The following SLC36A1 variants were observed in gnomAD, a reference collection of about 807,000 sequenced individuals.
SLC36A1 encodes solute carrier family 36 member 1, also known as proton-coupled amino acid transporter 1.
In SLC36A1, 30 loss-of-function variants were observed where a neutral mutation model predicts 47.5. The ratio of observed to expected loss-of-function variants is 0.63; its 90% CI spans 0.47 to 0.86. The LOEUF (loss-of-function observed/expected upper bound fraction) is 0.86. Ranked by LOEUF, SLC36A1 falls within the 40% of genes least tolerant of loss-of-function variation. The pLI is 0.00. For synonymous variants in SLC36A1, 255 were observed against 249.7 expected (o/e 1.02, Z -0.20); for missense variants, 517 against 606.0 (o/e 0.85, Z 1.54).
At chr5:151,390,809 G>A in the SLC36A1 span, among the ~76,000 whole-genome samples, 10 of 152,144 alleles carry the variant, frequency 6.6e-5, no homozygotes, top group African/African-American at 2.2e-4. Context: ...GGTTACTGTA[G>A]CCTTGTAATA....
intron 10 of SLC36A1, among the ~76,000 whole-genome samples, chr5:151,487,426 G>A (rs1056302479): frequency 3.9e-5 from 6 of 152,046 alleles, no homozygotes; most frequent in African/African-American, 9.7e-5. Flanking sequence ...GTGGGGCTTC[G>A]CCAGGGGTCA....
At chr5:151,493,737 T>G (rs1760261808), downstream of SLC36A1, among the ~76,000 whole-genome samples, 1 of 152,226 alleles carries the variant, frequency 6.6e-6, no homozygotes, top group Non-Finnish European at 1.5e-5. Context: ...CACACAAGTC[T>G]TCTGGTTCCA....
chr5:151,522,365 C>G, the SLC36A1 span, among the ~76,000 whole-genome samples: 3,485 of 152,318 alleles, frequency 0.023, 135 homozygotes, highest in African/African-American at 0.079. Flanking sequence ...CTCTCTGAGC[C>G]TCTTCCTAAA....
downstream of SLC36A1, among the ~76,000 whole-genome samples, chr5:151,494,294 A>T (rs1001532160): frequency 2.6e-5 from 4 of 152,054 alleles, no homozygotes; most frequent in South Asian, 2.1e-4. Context: ...CTCCTTTTTT[A>T]AAAAAAATGG....
the SLC36A1 span, chr5:151,554,458 G>C: frequency 1.9e-6 from 3 of 1,614,054 alleles, no homozygotes; most frequent in Non-Finnish European, 1.7e-6. Context: ...CGCTGTCCTC[G>C]ATACTGTAGG....
intron 1 of SLC36A1, among the ~76,000 whole-genome samples, chr5:151,455,510 C>T (rs1025013572): frequency 2.0e-5 from 3 of 152,058 alleles, no homozygotes; most frequent in Non-Finnish European, 4.4e-5. Flanking sequence ...AAAGAAGTCT[C>T]TCTGCAGTGT....
chr5:151,443,499 C>G (rs1752746947), upstream of SLC36A1, among the ~76,000 whole-genome samples: 1 of 151,966 alleles, frequency 6.6e-6, no homozygotes, highest in Non-Finnish European at 1.5e-5. Context: ...GGTCCTTTGC[C>G]CATTTTTAAA....
chr5:151,399,895 A>C, the SLC36A1 span, among the ~76,000 whole-genome samples: 66 of 152,328 alleles, frequency 4.3e-4, no homozygotes, highest in Non-Finnish European at 8.5e-4. Flanking sequence ...GCAATGTGCT[A>C]ATCATTTTGC....
the SLC36A1 span, chr5:151,505,557 A>G: frequency 6.2e-7 from 1 of 1,613,944 alleles, no homozygotes; most frequent in South Asian, 1.1e-5. Context: ...TGCTCTGGGA[A>G]TGGGAAGCTA....
At chr5:151,421,890 G>C in the SLC36A1 span, among the ~76,000 whole-genome samples, 9 of 152,258 alleles carry the variant, frequency 5.9e-5, no homozygotes, top group African/African-American at 2.2e-4. Flanking sequence ...GCGCCCGGCT[G>C]TCTTGTAGAG....
chr5:151,433,269 T>A (rs1397540345), upstream of SLC36A1, among the ~76,000 whole-genome samples: 7 of 22,446 alleles, frequency 3.1e-4, no homozygotes, highest in African/African-American at 1.2e-3. Context: ...TATATATATT[T>A]TTTTTTTTTT....
intron 1 of SLC36A1, among the ~76,000 whole-genome samples, chr5:151,441,260 A>C (rs548867947): frequency 3.9e-5 from 6 of 152,200 alleles, no homozygotes; most frequent in Non-Finnish European, 8.8e-5. Flanking sequence ...TGATCACTCC[A>C]ATATGGGCAA....
the SLC36A1 span, among the ~76,000 whole-genome samples, chr5:151,514,644 C>G: frequency 6.6e-6 from 1 of 152,240 alleles, no homozygotes; most frequent in Non-Finnish European, 1.5e-5. Context: ...TCCGTTCTTC[C>G]AGATGACTGT....
At chr5:151,512,591 G>C in the SLC36A1 span, 1 of 1,608,084 alleles carries the variant, frequency 6.2e-7, no homozygotes, top group African/African-American at 1.3e-5. The surrounding 1 kb of genome is among the most constrained non-coding windows in gnomAD (Gnocchi z 4.1). Context: ...TCCAGCTGGG[G>C]CACTCCACTG....
chr5:151,399,810 A>G, the SLC36A1 span, among the ~76,000 whole-genome samples: 1 of 152,238 alleles, frequency 6.6e-6, no homozygotes, highest in Non-Finnish European at 1.5e-5. Context: ...TCTCTAGCAC[A>G]TTAGCATATT....
At chr5:151,424,677 AT>A in the SLC36A1 span, among the ~76,000 whole-genome samples, 1 of 151,672 alleles carries the variant, frequency 6.6e-6, no homozygotes, top group African/African-American at 2.4e-5. Context: ...GATGAGAATA[AT>A]CATTAATAAA....
At chr5:151,433,254 ATATATATATATATTTT>A (rs1561705018), upstream of SLC36A1, among the ~76,000 whole-genome samples, 174 of 16,500 alleles carry the variant, frequency 0.011, 5 homozygotes, top group African/African-American at 0.036. Context: ...ATATATATAT[ATATATATATATATTTT>A]TTTTTTTTTT....
the SLC36A1 span, among the ~76,000 whole-genome samples, chr5:151,551,989 G>GTA: frequency 6.6e-6 from 1 of 151,440 alleles, no homozygotes; most frequent in Non-Finnish European, 1.5e-5. Context: ...GTGTGTGTGT[G>GTA]TGTGTGTGTG....
At chr5:151,441,886 T>C (rs1447134846) in intron 1 of SLC36A1, among the ~76,000 whole-genome samples, 2 of 152,202 alleles carry the variant, frequency 1.3e-5, no homozygotes, top group African/African-American at 4.8e-5. Flanking sequence ...TGAACAAATT[T>C]GTCCCCTTGA....
Sources: allele counts gnomAD v4.1 joint callset (sites outside exome capture counted in the v4.1 genomes callset), GRCh38; gene constraint gnomAD v4.1.1; non-coding constraint Gnocchi (gnomAD v3.1); transcripts MANE v1.5; gene names NCBI Gene and HGNC (gene_info 2026-07-23, HGNC 2026-07-21).